The following STAT4 variants were observed in gnomAD, a reference collection of about 807,000 sequenced individuals.
The protein encoded by STAT4 is signal transducer and activator of transcription 4.
STAT4 carries 42 observed loss-of-function variants against 110.5 expected under a neutral mutation model. The ratio of observed to expected loss-of-function variants is 0.38; its 90% CI spans 0.30 to 0.49. The LOEUF (loss-of-function observed/expected upper bound fraction) is 0.49. STAT4 is among the 20% of genes least tolerant of loss of function. The pLI is 0.95. For synonymous variants in STAT4, 284 were observed against 302.2 expected, an observed-to-expected ratio of 0.94 and a Z score of 0.63; for missense variants, 632 against 887.9, an observed-to-expected ratio of 0.71 and a Z score of 3.66.
chr2:191,087,536 G>A (rs1280519445), intron 3 of STAT4, among the ~76,000 whole-genome samples: 6 of 152,180 alleles, frequency 3.9e-5, no homozygotes, highest in East Asian at 3.9e-4. Flanking sequence ...CCAGGACAGA[G>A]TAAGAGTCTG....
At position 191,030,020 on chromosome 2, in the gene STAT4, A is replaced by T. The variant is rs1695841895; in HGVS notation, c.2221-154T>A. ...ACTTAAACTAAGTATTTGCAAAAGTAATTGGGGTTGATCAGTCTAAAATAA... is the reference window on the plus strand; with the variant it reads ...ACTTAAACTAAGTATTTGCAAAAGTTATTGGGGTTGATCAGTCTAAAATAA... On this transcript the variant is annotated intron_variant, in intron 23 of 23. Coordinates refer to ENST00000392320, the MANE Select transcript of STAT4 (RefSeq NM_003151.4). The surrounding 1 kb of genome is among the most constrained non-coding windows in gnomAD (Gnocchi z 4.4). Among the ~76,000 whole-genome samples, 1 of 152,216 alleles carries T rather than the reference A, an allele frequency of 6.6e-6. No homozygotes were observed. The highest frequency in any genetic ancestry group is 2.4e-5 in the African/African-American group (1 of 41,452).
intron 4 of STAT4, among the ~76,000 whole-genome samples, chr2:191,074,203 T>C (rs1035827455): frequency 6.6e-6 from 1 of 152,212 alleles, no homozygotes; most frequent in Non-Finnish European, 1.5e-5. Flanking sequence ...GTTCCTTAGA[T>C]AAAAAGTTCT....
chr2:191,091,821 T>G lies in STAT4; in HGVS notation c.274-15496A>C, dbSNP rs1697805188. On this transcript the variant is annotated intron_variant, in intron 3 of 23. Coordinates refer to ENST00000392320, the MANE Select transcript of STAT4 (RefSeq NM_003151.4). This position sits in a 1 kb window ranked among gnomAD's most constrained non-coding sequence, Gnocchi z 5.4. Reference sequence around the variant, plus strand: ...GCCGGTATTCACTTTGACTCCAGAGTGTTGACTTACTTTTAACCAATTAAC... The same window carrying G: ...GCCGGTATTCACTTTGACTCCAGAGGGTTGACTTACTTTTAACCAATTAAC... Among the ~76,000 whole-genome samples the G allele has an allele frequency of 6.6e-6, 1 of 152,112 alleles. No homozygotes were observed. Among genetic ancestry groups the G allele is most frequent in the East Asian group, 1.9e-4 (1 of 5,196 alleles).
At position 191,046,337 on chromosome 2, in the gene STAT4, T is replaced by C. The variant is rs1169655946; in HGVS notation, c.1252-5189A>G. ...TCCTTGAAGTCTTACTGGAACATGG[T>C]GGCATGGGTAAAGATAGCACAGCCA... On this transcript the variant is annotated intron_variant, in intron 14 of 23. Coordinates refer to ENST00000392320, the MANE Select transcript of STAT4 (RefSeq NM_003151.4). The surrounding 1 kb of genome is among the most constrained non-coding windows in gnomAD (Gnocchi z 4.6). Among the ~76,000 whole-genome samples the C allele has an allele frequency of 6.6e-6, 1 of 152,210 alleles. No individual in the cohort carries two copies. Among genetic ancestry groups the C allele is most frequent in the Non-Finnish European group, 1.5e-5 (1 of 68,028 alleles).
rs550915162 is a variant in STAT4, at chr2:191,058,801, G to T, written c.1035-32C>A. On this transcript the variant is annotated intron_variant, in intron 10 of 23. Coordinates refer to ENST00000392320, the MANE Select transcript of STAT4 (RefSeq NM_003151.4). This position sits in a 1 kb window ranked among gnomAD's most constrained non-coding sequence, Gnocchi z 4.3. ...AGAGATATCAATAAAAAAAATCAAA[G>T]ATAAAAATTAAAAGTGTTTAAAAAC... 3 of 1,391,046 alleles carry T rather than the reference G, an allele frequency of 2.2e-6. No individual in the cohort carries two copies. Among genetic ancestry groups the T allele is most frequent in the Admixed American group, 2.0e-5 (1 of 49,718 alleles). The allele number at this position is 1,391,046 out of a possible 1,614,324, so 86.2% of individuals were successfully genotyped here. A position where few individuals can be genotyped will look rare whatever the true frequency, so the allele number is the denominator to read the frequency against.
At chr2:191,069,822 A>C in intron 5 of STAT4, 51 bp from the exon 6 acceptor site, 1 of 1,419,340 alleles carries the variant, frequency 7.0e-7, no homozygotes, top group Non-Finnish European at 9.7e-7. Context: ...TAAGCATGTC[A>C]ATCAAACAAC....
rs2125135202 is a variant in STAT4 at position 191,031,361 on chromosome 2, TC to T, written c.2111+88del. The stretch of plus-strand genomic sequence containing the variant: ...GACATTGCACATTACAATGCTTTGT[TC>T]TCAGTTATGTGTACTCTGCTCTACC... On this transcript the variant is annotated intron_variant, in intron 22 of 23. Transcript: ENST00000392320. This position sits in a 1 kb window ranked among gnomAD's most constrained non-coding sequence, Gnocchi z 4.8. The T allele has an allele frequency of 2.3e-6, 3 of 1,316,704 alleles. No individual in the cohort carries two copies. In the South Asian group the frequency reaches 4.0e-5, roughly 18 times the overall value. The allele number at this position is 1,316,704 out of a possible 1,614,324, so 81.6% of individuals were successfully genotyped here.
intron 14 of STAT4, among the ~76,000 whole-genome samples, chr2:191,049,325 G>A (rs779951968): frequency 2.0e-5 from 3 of 151,740 alleles, no homozygotes; most frequent in Non-Finnish European, 4.4e-5. Flanking sequence ...CAGGCAACCC[G>A]CCACCACTCC....
chr2:191,122,202 A>T (rs980835605), intron 3 of STAT4: 1 of 152,214 alleles, frequency 6.6e-6, no homozygotes, highest in South Asian at 2.1e-4. Context: ...ACAAAAATTT[A>T]AAAAAATAAA....
Position 191,039,415 on chromosome 2 carries a change from A to G in STAT4, c.1336-118T>C. On this transcript the variant is annotated intron_variant, in intron 15 of 23. Transcript: ENST00000392320. This position sits in a 1 kb window ranked among gnomAD's most constrained non-coding sequence, Gnocchi z 4.7. ...AGCCAGCCCCACACCTCCAGTCCTG[A>G]TGTCCATGGTGCCCTGGTCACTGAA... is the stretch of plus-strand genomic sequence containing the variant. The G allele has an allele frequency of 1.3e-6, 1 of 785,302 alleles. No individual in the cohort carries two copies. 48.6% of individuals were successfully genotyped at this position (785,302 alleles called of 1,614,324 possible).
At position 191,042,186 on chromosome 2, in the gene STAT4, C is replaced by T. The variant is rs180773908; in HGVS notation, c.1252-1038G>A. On this transcript the variant is annotated intron_variant, in intron 14 of 23. Coordinates refer to ENST00000392320, the MANE Select transcript of STAT4 (RefSeq NM_003151.4). This position sits in a 1 kb window ranked among gnomAD's most constrained non-coding sequence, Gnocchi z 4.2. ...CTAAGTCTACAGTTCTCAACACGCA[C>T]ATAGAATTTTCAGGCTGTTTTTTAA... Among the ~76,000 whole-genome samples the T allele has an allele frequency of 1.3e-5, 2 of 152,264 alleles. No individual in the cohort carries two copies. Among genetic ancestry groups the T allele is most frequent in the East Asian group, 3.9e-4 (2 of 5,178 alleles).
chr2:191,118,408 A>G (rs1698626859), intron 3 of STAT4, among the ~76,000 whole-genome samples: 1 of 152,188 alleles, frequency 6.6e-6, no homozygotes, highest in Non-Finnish European at 1.5e-5. Flanking sequence ...TTCAAGTAAT[A>G]GAAAAATCAA....
intron 3 of STAT4, among the ~76,000 whole-genome samples, chr2:191,098,367 T>A (rs887958386): frequency 1.3e-5 from 2 of 152,222 alleles, no homozygotes; most frequent in African/African-American, 4.8e-5. Flanking sequence ...CCAACCCAAA[T>A]GTCCATCAAT....
rs1030582490 is a variant in STAT4 at position 191,046,291 on chromosome 2, C to T, written c.1252-5143G>A. 3.3e-5 allele frequency among the ~76,000 whole-genome samples: 5 copies of T among 152,220 alleles called. No individual in the cohort carries two copies. The highest frequency in any genetic ancestry group is 1.2e-4 in the African/African-American group (5 of 41,450). On this transcript the variant is annotated intron_variant, in intron 14 of 23. Transcript: ENST00000392320. This position sits in a 1 kb window ranked among gnomAD's most constrained non-coding sequence, Gnocchi z 4.6. The stretch of plus-strand genomic sequence containing the variant: ...CTGCCTTGACATATCCTTCACATAA[C>T]CGAATTGGCCAGGTTTTAGCTCCTT...
rs1043290583 is a variant in STAT4, at chr2:191,144,393, C to T, written c.273+2220G>A. Among the ~76,000 whole-genome samples, 1 of 152,064 alleles carries T rather than the reference C, an allele frequency of 6.6e-6. No individual in the cohort carries two copies. Among genetic ancestry groups the T allele is most frequent in the Non-Finnish European group, 1.5e-5 (1 of 68,012 alleles). ...AGAGGGATGGAAGAGCATTCCTGGC[C>T]ATAGGACCGTCATGGACAAGGCTGA... On this transcript the variant is annotated intron_variant, in intron 3 of 23. Transcript: ENST00000392320. The surrounding 1 kb of genome is among the most constrained non-coding windows in gnomAD (Gnocchi z 4.7).
At chr2:191,074,721 T>C (rs1465799732) in intron 4 of STAT4, among the ~76,000 whole-genome samples, 2 of 152,226 alleles carry the variant, frequency 1.3e-5, no homozygotes, top group African/African-American at 4.8e-5. Context: ...ATATGTACTT[T>C]AGAAACTTAC....
At chr2:191,069,491 G>A (rs925802012) in intron 6 of STAT4, among the ~76,000 whole-genome samples, 2 of 151,928 alleles carry the variant, frequency 1.3e-5, no homozygotes, top group Non-Finnish European at 2.9e-5. Flanking sequence ...GGATATAGAT[G>A]GGTACACACA....
At position 191,109,578 on chromosome 2, in the gene STAT4, C is replaced by A. The variant is rs139133603; in HGVS notation, c.274-33253G>T. On this transcript the variant is annotated intron_variant, in intron 3 of 23. Transcript: ENST00000392320. ...GAGGTGGCTTTGTTGGGGTCATATGCCTTGTTAAAGGCTGACCTGGAACTC... is the reference window on the plus strand; with the variant it reads ...GAGGTGGCTTTGTTGGGGTCATATGACTTGTTAAAGGCTGACCTGGAACTC... 7.7e-3 allele frequency among the ~76,000 whole-genome samples: 1,167 copies of A among 152,270 alleles called. 5 individuals carry two copies. The highest frequency in any genetic ancestry group is 0.013 in the Non-Finnish European group (885 of 68,014).
At chr2:191,097,688 A>AC (rs1422452569) in intron 3 of STAT4, among the ~76,000 whole-genome samples, 1 of 152,348 alleles carries the variant, frequency 6.6e-6, no homozygotes, top group Admixed American at 6.5e-5. Flanking sequence ...CCTAGGCAAT[A>AC]CTATTCAGGA....
Sources: gnomAD v4.1 joint callset for allele counts (sites outside exome capture counted in the v4.1 genomes callset) on GRCh38, gnomAD v4.1.1 for gene constraint, Gnocchi (gnomAD v3.1) non-coding constraint, MANE v1.5 for transcripts, NCBI Gene and HGNC (gene_info 2026-07-23, HGNC 2026-07-21) for gene names.